The following EFCAB5 variants were observed in gnomAD, a reference collection of about 807,000 sequenced individuals.
EFCAB5 encodes the protein EF-hand calcium-binding domain-containing protein 5.
A neutral mutation model predicts 167.9 loss-of-function variants in EFCAB5; 131 were observed. The observed-to-expected ratio is 0.78, with a 90% CI of 0.68 to 0.90. EFCAB5 has a LOEUF of 0.90. EFCAB5 is among the 40% of genes least tolerant of loss of function. The pLI, the probability that EFCAB5 is intolerant of heterozygous loss-of-function variation, is 0.00. For missense variants in EFCAB5, 1,663 were observed against 1,745.2 expected (o/e 0.95, Z 0.84); for synonymous variants, 574 against 602.8 (o/e 0.95, Z 0.70).
intron 7 of EFCAB5, among the ~76,000 whole-genome samples, chr17:30,018,828 T>C (rs117410749): frequency 9.9e-5 from 15 of 152,278 alleles, no homozygotes; most frequent in Non-Finnish European, 2.1e-4. Flanking sequence ...GCGAGGAACT[T>C]TTTTTGTTTT....
intron 1 of EFCAB5, among the ~76,000 whole-genome samples, chr17:29,932,754 G>A (rs543799828): frequency 3.9e-5 from 6 of 152,054 alleles, no homozygotes; most frequent in South Asian, 2.1e-4. Context: ...CCCCGCACCC[G>A]GCCATCATTC....
chr17:29,997,114 G>A (rs575157838), intron 6 of EFCAB5, among the ~76,000 whole-genome samples: 9 of 151,938 alleles, frequency 5.9e-5, no homozygotes, highest in Admixed American at 3.3e-4. Context: ...GCATGGTGGC[G>A]GGCGTCCGTA....
intron 3 of EFCAB5, among the ~76,000 whole-genome samples, chr17:29,949,319 T>C (rs935080609): frequency 6.6e-6 from 1 of 152,210 alleles, no homozygotes; most frequent in African/African-American, 2.4e-5. Context: ...TTGAAAGCAC[T>C]TATACTCATA....
rs60700223 is a variant in EFCAB5, at chr17:30,085,719, CAAA to C, written c.3580-1327_3580-1325del. 8.8e-4 allele frequency among the ~76,000 whole-genome samples: 111 copies of C among 125,504 alleles called. 1 individual carries two copies. The highest frequency in any genetic ancestry group is 3.0e-3 in the African/African-American group (97 of 32,082). 82.3% of individuals were successfully genotyped at this position (125,504 alleles called of 152,430 possible). A position where few individuals can be genotyped will look rare whatever the true frequency, so the allele number is the denominator to read the frequency against. On this transcript the variant is annotated intron_variant, in intron 18 of 22. Coordinates refer to ENST00000394835, the MANE Select transcript of EFCAB5 (RefSeq NM_198529.4). ...TGGGCGACACAGCGAGACTCCGTCT[CAAA>C]AAAAAAAAAAAAAAAAGAAAAGAAA...
At chr17:29,995,230 ACT>A (rs1366477642) in intron 5 of EFCAB5, among the ~76,000 whole-genome samples, 1 of 151,972 alleles carries the variant, frequency 6.6e-6, no homozygotes, top group African/African-American at 2.4e-5. Context: ...GTGGAGAAGG[ACT>A]CTCTGGTGAA....
intron 1 of EFCAB5, among the ~76,000 whole-genome samples, chr17:29,930,553 G>T (rs2067176800): frequency 6.6e-6 from 1 of 152,098 alleles, no homozygotes; most frequent in African/African-American, 2.4e-5. Flanking sequence ...TTAAAAAAAA[G>T]CAGCTGAGAT....
upstream of EFCAB5, chr17:29,941,495 T>C (rs1461942634): frequency 4.7e-6 from 1 of 212,650 alleles, no homozygotes; most frequent in Non-Finnish European, 9.2e-6. Context: ...GCATTACTGC[T>C]GCTGTATTTT....
At chr17:30,094,507 CAAAAAAAAAAAAAAAA>C (rs57885339) in intron 22 of EFCAB5, among the ~76,000 whole-genome samples, 4 of 40,706 alleles carry the variant, frequency 9.8e-5, no homozygotes. Context: ...CTTGTCTCTC[CAAAAAAAAAAAAAAAA>C]AAAAAAAAAA....
chr17:29,974,008 T>C (rs1486387725), intron 4 of EFCAB5, among the ~76,000 whole-genome samples: 1 of 150,880 alleles, frequency 6.6e-6, no homozygotes, highest in Non-Finnish European at 1.5e-5. Context: ...AATACAAAAA[T>C]TAACTGAGTG....
chr17:30,048,389 C>T (rs2069986409), intron 8 of EFCAB5, among the ~76,000 whole-genome samples: 1 of 151,514 alleles, frequency 6.6e-6, no homozygotes, highest in Admixed American at 6.6e-5. Flanking sequence ...AAAAACTCCA[C>T]AGAGATAGAT....
intron 4 of EFCAB5, 39 bp downstream of exon 4, chr17:29,969,406 T>C: frequency 6.8e-7 from 1 of 1,471,200 alleles, no homozygotes; most frequent in Non-Finnish European, 9.1e-7. Flanking sequence ...ATCTGTCTCC[T>C]TACATTGAAA....
chr17:30,056,113 T>A lies in EFCAB5; in HGVS notation c.2322T>A (p.Asp774Glu), dbSNP rs1277995955. 1.2e-6 allele frequency: 2 copies of A among 1,612,180 alleles called. No individual in the cohort carries two copies. Among genetic ancestry groups the A allele is most frequent in the Non-Finnish European group, 8.5e-7 (1 of 1,179,058 alleles). Residue 774 changes from aspartate to glutamate, a missense_variant, in exon 12 of 23, where the codon GAT (aspartate) becomes GAA (glutamate). Transcript: ENST00000394835. Reference sequence around the variant, plus strand: ...AAATGAAGTATGTCACATTTGAAGATGAGGAACAGGCAAACTTAATCTATG... The same window carrying A: ...AAATGAAGTATGTCACATTTGAAGAAGAGGAACAGGCAAACTTAATCTATG... ...NWKMKYVTFE[D>E]EEQANLIYGN...
At chr17:30,036,711 G>A (rs2069640098) in intron 8 of EFCAB5, among the ~76,000 whole-genome samples, 1 of 152,144 alleles carries the variant, frequency 6.6e-6, no homozygotes, top group Non-Finnish European at 1.5e-5. Flanking sequence ...ACAGGCGTGA[G>A]CCACCACATC....
At chr17:30,000,189 C>T (rs1448747292) in intron 7 of EFCAB5, among the ~76,000 whole-genome samples, 4 of 152,058 alleles carry the variant, frequency 2.6e-5, no homozygotes, top group African/African-American at 4.8e-5. Flanking sequence ...GTATAAAAAT[C>T]GTCCACTGAC....
intron 7 of EFCAB5, among the ~76,000 whole-genome samples, chr17:30,011,211 T>C (rs778475932): frequency 7.2e-5 from 11 of 152,214 alleles, no homozygotes; most frequent in Non-Finnish European, 1.6e-4. Context: ...ACTGTAGCCT[T>C]GTAGTATAGT....
intron 6 of EFCAB5, among the ~76,000 whole-genome samples, chr17:29,996,585 A>G (rs1597641712): frequency 1.3e-5 from 2 of 152,324 alleles, no homozygotes; most frequent in Admixed American, 1.3e-4. Context: ...AGTACTCTGC[A>G]ATACTCTTTT....
At chr17:30,027,658 G>C (rs75333548) in intron 7 of EFCAB5, among the ~76,000 whole-genome samples, 149 of 152,176 alleles carry the variant, frequency 9.8e-4, no homozygotes, top group African/African-American at 3.5e-3. Context: ...GCTTGCCTGG[G>C]ACTGAGGAGT....
At chr17:29,942,522 A>G (rs562980502) in intron 2 of EFCAB5, among the ~76,000 whole-genome samples, 36 of 152,324 alleles carry the variant, frequency 2.4e-4, no homozygotes, top group African/African-American at 7.9e-4. Flanking sequence ...GTTATAAATT[A>G]CAGATAAATA....
At chr17:30,089,740 C>A (rs1360910392) in intron 19 of EFCAB5, among the ~76,000 whole-genome samples, 3 of 152,098 alleles carry the variant, frequency 2.0e-5, no homozygotes, top group Non-Finnish European at 4.4e-5. Flanking sequence ...GGTAAACACT[C>A]CCCCAGCCCA....
Sources: allele counts gnomAD v4.1 joint callset (sites outside exome capture counted in the v4.1 genomes callset), GRCh38; gene constraint gnomAD v4.1.1; transcripts MANE v1.5; gene names NCBI Gene and HGNC (gene_info 2026-07-23, HGNC 2026-07-21).